PIGX: variants seen among roughly 807,000 people sequenced by gnomAD.
The protein encoded by PIGX is phosphatidylinositol glycan anchor biosynthesis class X.
PIGX carries 24 observed loss-of-function variants against 28.7 expected under a neutral mutation model. That is an observed-to-expected ratio of 0.84 (90% CI 0.60 to 1.17). PIGX has a LOEUF of 1.17. PIGX is among the 50% of genes most tolerant of loss of function. PIGX has a pLI of 0.00. For missense variants in PIGX, 305 were observed against 317.8 expected (o/e 0.96, Z 0.31); for synonymous variants, 127 against 121.0 (o/e 1.05, Z -0.33).
intron 1 of PIGX, among the ~76,000 whole-genome samples, chr3:196,714,299 G>T (rs11185454): frequency 1.3e-5 from 2 of 151,816 alleles, no homozygotes; most frequent in Non-Finnish European, 2.9e-5. Context: ...CCCTGTCTCT[G>T]CAAAAAAATT....
chr3:196,718,270 A>G (rs1712179434), intron 2 of PIGX, among the ~76,000 whole-genome samples: 1 of 151,950 alleles, frequency 6.6e-6, no homozygotes, highest in Admixed American at 6.6e-5. Flanking sequence ...AGATTATGCC[A>G]CCGCACTTCA....
At chr3:196,732,711 G>T (rs942241979) in intron 5 of PIGX, among the ~76,000 whole-genome samples, 2 of 152,176 alleles carry the variant, frequency 1.3e-5, no homozygotes, top group Admixed American at 6.5e-5. Flanking sequence ...CTTTGTTGCA[G>T]ATTGGGTTGG....
intron 4 of PIGX, among the ~76,000 whole-genome samples, chr3:196,729,812 G>C (rs1490829588): frequency 6.7e-6 from 1 of 150,092 alleles, no homozygotes; most frequent in African/African-American, 2.4e-5. Flanking sequence ...TATCACACCT[G>C]TAATCCCAGC....
At chr3:196,729,801 G>GTA (rs900363319) in intron 4 of PIGX, among the ~76,000 whole-genome samples, 6 of 150,244 alleles carry the variant, frequency 4.0e-5, no homozygotes, top group South Asian at 2.2e-4. Flanking sequence ...CAGGTGCAGT[G>GTA]TATCACACCT....
At position 196,734,035 on chromosome 3, in the gene PIGX, AT is replaced by A. The variant is rs1712920752; in HGVS notation, c.*136del. 1.6e-6 allele frequency: 1 copy of A among 626,230 alleles called. No homozygotes were observed. The highest frequency in any genetic ancestry group is 1.8e-5 in the African/African-American group (1 of 54,400). 38.8% of individuals were successfully genotyped at this position (626,230 alleles called of 1,614,324 possible). On this transcript the variant is annotated 3_prime_UTR_variant, in exon 6 of 6. Transcript: ENST00000392391. ...GCCAAAATTATGTTTACTAGAGGAA[AT>A]TTGGGATCATTCTCAGCTAATTCCA...
intron 5 of PIGX, among the ~76,000 whole-genome samples, chr3:196,731,507 G>GT (rs1403802808): frequency 1.3e-5 from 2 of 152,170 alleles, no homozygotes; most frequent in East Asian, 1.9e-4. Context: ...ATAGAAAGCT[G>GT]TTTTTTCTTA....
At chr3:196,725,715 G>C (rs1712492713) in intron 3 of PIGX, among the ~76,000 whole-genome samples, 1 of 152,108 alleles carries the variant, frequency 6.6e-6, no homozygotes, top group South Asian at 2.1e-4. Context: ...CGGTAACAGT[G>C]TCTGGTACTC....
In PIGX at chr3:196,727,911, C is replaced by T; in HGVS notation, c.319-12C>T. ...TTTCTTCTTGATTAATATTTATTTT[C>T]TTTTTGAACAGGCAGTGATGGTTTC... On this transcript the variant is annotated splice_polypyrimidine_tract_variant and intron_variant, in intron 3 of 5. Transcript: ENST00000392391. 6.5e-7 allele frequency: 1 copy of T among 1,535,840 alleles called. No homozygotes were observed. The highest frequency in any genetic ancestry group is 8.9e-7 in the Non-Finnish European group (1 of 1,119,222).
intron 3 of PIGX, among the ~76,000 whole-genome samples, chr3:196,725,764 A>C (rs921103698): frequency 6.6e-6 from 1 of 152,212 alleles, no homozygotes; most frequent in African/African-American, 2.4e-5. Context: ...CAGCAACCAG[A>C]CTGAGAAAAG....
intron 2 of PIGX, among the ~76,000 whole-genome samples, chr3:196,719,186 G>A (rs554304908): frequency 5.3e-5 from 8 of 152,064 alleles, no homozygotes; most frequent in African/African-American, 7.2e-5. Flanking sequence ...TGATTAGACC[G>A]TTTATTTTTA....
intron 5 of PIGX, among the ~76,000 whole-genome samples, chr3:196,731,378 C>T (rs985798766): frequency 1.6e-4 from 25 of 152,218 alleles, no homozygotes; most frequent in African/African-American, 5.8e-4. Flanking sequence ...GGGTTTCACC[C>T]TGTTGGCCAG....
intron 3 of PIGX, among the ~76,000 whole-genome samples, chr3:196,726,040 GA>G (rs938913219): frequency 1.3e-5 from 2 of 152,104 alleles, no homozygotes; most frequent in African/African-American, 2.4e-5. Flanking sequence ...AGGATGGGGG[GA>G]AAAATGACCT....
At chr3:196,713,730 A>G (rs1288277054) in intron 1 of PIGX, among the ~76,000 whole-genome samples, 1 of 151,390 alleles carries the variant, frequency 6.6e-6, no homozygotes, top group Non-Finnish European at 1.5e-5. Flanking sequence ...CCAGCTACTC[A>G]GGGGGCTAAG....
rs1164291078 is a variant in PIGX at position 196,735,484 on chromosome 3, A to C, written c.*1582A>C. 6.6e-6 allele frequency: 1 copy of C among 152,008 alleles called. No individual in the cohort carries two copies. Among genetic ancestry groups the C allele is most frequent in the Non-Finnish European group, 1.5e-5 (1 of 68,004 alleles). The allele number at this position is 152,008 out of a possible 1,614,324, so 9.4% of individuals were successfully genotyped here. A position where few individuals can be genotyped will look rare whatever the true frequency, so the allele number is the denominator to read the frequency against. On this transcript the variant is annotated 3_prime_UTR_variant, in exon 6 of 6. Coordinates refer to ENST00000392391, the MANE Select transcript of PIGX (RefSeq NM_017861.4). ...AGTATTTTGGTGTTTTCATGGGACT[A>C]CATCTTGTATAATTTGACATGTATG...
At chr3:196,729,538 G>C (rs1048288046) in intron 4 of PIGX, among the ~76,000 whole-genome samples, 1 of 150,694 alleles carries the variant, frequency 6.6e-6, no homozygotes, top group East Asian at 2.1e-4. Flanking sequence ...TACAGGCTGC[G>C]CCACCATGCC....
intron 5 of PIGX, among the ~76,000 whole-genome samples, chr3:196,732,236 A>C (rs1183579204): frequency 3.4e-5 from 2 of 58,582 alleles, no homozygotes; most frequent in Non-Finnish European, 6.2e-5. Flanking sequence ...ATATATATAT[A>C]TATATATATA....
chr3:196,714,076 C>T (rs1272952994), intron 1 of PIGX, among the ~76,000 whole-genome samples: 1 of 152,074 alleles, frequency 6.6e-6, no homozygotes, highest in Non-Finnish European at 1.5e-5. Context: ...AGAATTTAAG[C>T]CTGTTCATAA....
chr3:196,730,914 T>G, intron 4 of PIGX, 78 bp from the exon 5 acceptor site: 3 of 757,126 alleles, frequency 4.0e-6, no homozygotes, highest in Non-Finnish European at 6.9e-6. Context: ...ACAACTTCTG[T>G]CTATTGAGGT....
chr3:196,713,192 G>A (rs1224837469), intron 1 of PIGX: 1 of 596,600 alleles, frequency 1.7e-6, no homozygotes, highest in Non-Finnish European at 2.1e-6. Flanking sequence ...GGATGTTTCT[G>A]TCATCCTTGG....
Sources: gnomAD v4.1 joint callset for allele counts (sites outside exome capture counted in the v4.1 genomes callset) on GRCh38, gnomAD v4.1.1 for gene constraint, MANE v1.5 for transcripts, NCBI Gene and HGNC (gene_info 2026-07-23, HGNC 2026-07-21) for gene names.